The following TEX9 variants were observed in gnomAD, a reference collection of about 807,000 sequenced individuals.
The protein encoded by TEX9 is testis-expressed protein 9.
TEX9 carries 74 observed loss-of-function variants against 59.6 expected under a neutral mutation model. The observed-to-expected ratio is 1.24, with a 90% CI of 1.03 to 1.51. The LOEUF (loss-of-function observed/expected upper bound fraction) is 1.51. TEX9 is among the 40% of genes most tolerant of loss of function. TEX9 has a pLI of 0.00. For synonymous variants in TEX9, 186 were observed against 152.2 expected (o/e 1.22, Z -1.64); for missense variants, 522 against 447.8 (o/e 1.17, Z -1.49).
intron 1 of TEX9, among the ~76,000 whole-genome samples, chr15:56,302,550 G>T (rs576281249): frequency 1.3e-5 from 2 of 151,152 alleles, no homozygotes; most frequent in African/African-American, 4.9e-5. Flanking sequence ...ACAAACCTAC[G>T]AAAGATACAC....
chr15:56,352,372 G>A (rs35968448), intron 1 of TEX9, among the ~76,000 whole-genome samples: 47,116 of 151,678 alleles, frequency 0.31, 8,006 homozygotes, highest in Middle Eastern at 0.48. Flanking sequence ...AGCCTTCCCA[G>A]TAACTGGGAT....
At chr15:56,328,263 G>A (rs551939709) in intron 1 of TEX9, among the ~76,000 whole-genome samples, 1 of 152,152 alleles carries the variant, frequency 6.6e-6, no homozygotes, top group African/African-American at 2.4e-5. Context: ...GCATTCAAGG[G>A]AAGCACTTGT....
chr15:56,426,802 G>A (rs964633831), intron 10 of TEX9, among the ~76,000 whole-genome samples: 29 of 150,804 alleles, frequency 1.9e-4, no homozygotes, highest in African/African-American at 5.6e-4. Context: ...CTTCCTAAAC[G>A]TAATGATTTC....
chr15:56,390,934 A>G (rs1464143976), intron 6 of TEX9, among the ~76,000 whole-genome samples: 7 of 152,082 alleles, frequency 4.6e-5, no homozygotes, highest in African/African-American at 1.7e-4. Context: ...AGTCTATACC[A>G]TCTGGCCTCA....
upstream of TEX9, among the ~76,000 whole-genome samples, chr15:56,360,686 G>C (rs2046773268): frequency 6.6e-6 from 1 of 152,100 alleles, no homozygotes; most frequent in East Asian, 1.9e-4. Context: ...CCAATTCTTA[G>C]CTAAGCAAAA....
upstream of TEX9, chr15:56,244,008 G>T (rs1395526414): frequency 6.7e-6 from 1 of 148,400 alleles, no homozygotes; most frequent in Non-Finnish European, 1.5e-5. Flanking sequence ...GCGGGCCAGC[G>T]GGCCAGGGAA....
At chr15:56,394,912 C>T in intron 9 of TEX9, 78 bp downstream of exon 9, 1 of 1,340,400 alleles carries the variant, frequency 7.5e-7, no homozygotes, top group Non-Finnish European at 1.0e-6. Context: ...GTATAGATGC[C>T]ATTTTGACAG....
At chr15:56,260,474 G>C (rs1043126412) in intron 1 of TEX9, among the ~76,000 whole-genome samples, 3 of 151,926 alleles carry the variant, frequency 2.0e-5, no homozygotes, top group Non-Finnish European at 4.4e-5. Flanking sequence ...CTATTGAGGT[G>C]ATCAGTGATT....
At chr15:56,395,720 T>C (rs537712851) in intron 9 of TEX9, 1 of 152,354 alleles carries the variant, frequency 6.6e-6, no homozygotes, top group African/African-American at 2.4e-5. Flanking sequence ...CCCTAATAAC[T>C]AATGATGTTG....
intron 9 of TEX9, among the ~76,000 whole-genome samples, chr15:56,399,516 C>G (rs1465406090): frequency 6.6e-6 from 1 of 152,230 alleles, no homozygotes; most frequent in African/African-American, 2.4e-5. Flanking sequence ...CTATAGACTC[C>G]ACCTCTGTAG....
chr15:56,433,088 C>T (rs74015426), intron 12 of TEX9, among the ~76,000 whole-genome samples: 2,875 of 152,252 alleles, frequency 0.019, 101 homozygotes, highest in African/African-American at 0.066. Context: ...TAATCTTCCC[C>T]TGGGCCACCA....
chr15:56,382,125 C>T (rs564019433), intron 3 of TEX9, among the ~76,000 whole-genome samples: 1 of 152,300 alleles, frequency 6.6e-6, no homozygotes, highest in South Asian at 2.1e-4. Context: ...GGAGCCTCTC[C>T]TTGTGGTCAC....
chr15:56,460,009 A>ATATATATATATATATATATAT, the TEX9 span, among the ~76,000 whole-genome samples: 5 of 26,406 alleles, frequency 1.9e-4, no homozygotes, highest in Admixed American at 5.5e-4. Flanking sequence ...AAAAAAAAAA[A>ATATATATATATATATATATAT]ATACATATAT....
chr15:56,428,819 T>G (rs546914444), intron 12 of TEX9: 2 of 376,552 alleles, frequency 5.3e-6, no homozygotes, highest in East Asian at 4.9e-5. Context: ...GGGGTAGAGT[T>G]CTGTATTAGT....
chr15:56,304,688 A>G (rs904917501), intron 1 of TEX9, among the ~76,000 whole-genome samples: 11 of 152,082 alleles, frequency 7.2e-5, no homozygotes, highest in Middle Eastern at 3.4e-3. Context: ...TTTCCCATCA[A>G]TTTTCATCAG....
At chr15:56,425,046 CCCTTTAAATATATCAT>C (rs2050175246) in intron 10 of TEX9, among the ~76,000 whole-genome samples, 1 of 151,930 alleles carries the variant, frequency 6.6e-6, no homozygotes, top group Non-Finnish European at 1.5e-5. Context: ...TTTCTTTCAG[CCCTTTAAATATATCAT>C]CCTACTGACT....
chr15:56,456,850 G>A, the TEX9 span, among the ~76,000 whole-genome samples: 1 of 151,870 alleles, frequency 6.6e-6, no homozygotes, highest in African/African-American at 2.4e-5. Context: ...CTGCTAGGGT[G>A]TTTTAAAACA....
intron 12 of TEX9, chr15:56,443,807 A>G (rs143779168): frequency 3.5e-5 from 57 of 1,611,046 alleles, no homozygotes; most frequent in Admixed American, 5.0e-5. Flanking sequence ...AAACTCTTCT[A>G]TATACCTTCG....
rs564398894 is a variant in TEX9, at chr15:56,442,542, G to A, written c.*30-3129G>A. ...ATAAAATGTGGTACATGTACACCACGGAATACTACACAGCCATAAAAAAGA... is the reference window on the plus strand; with the variant it reads ...ATAAAATGTGGTACATGTACACCACAGAATACTACACAGCCATAAAAAAGA... On this transcript the variant is annotated intron_variant, in intron 12 of 12. Coordinates refer to ENST00000352903, the Ensembl canonical transcript of TEX9. 1.3e-3 allele frequency among the ~76,000 whole-genome samples: 205 copies of A among 152,244 alleles called. 1 individual carries two copies. The highest frequency in any genetic ancestry group is 2.5e-3 in the Non-Finnish European group (167 of 68,022).
Sources: allele counts gnomAD v4.1 joint callset (sites outside exome capture counted in the v4.1 genomes callset), GRCh38; gene constraint gnomAD v4.1.1; transcripts MANE v1.5; gene names NCBI Gene and HGNC (gene_info 2026-07-23, HGNC 2026-07-21).